The following SLMAP variants were observed in gnomAD, a reference collection of about 807,000 sequenced individuals.
The protein encoded by SLMAP is sarcolemmal membrane-associated protein.
A neutral mutation model predicts 128.8 loss-of-function variants in SLMAP; 44 were observed. The observed-to-expected ratio is 0.34, with a 90% CI of 0.27 to 0.44. The LOEUF (loss-of-function observed/expected upper bound fraction) is 0.44, where lower values mean the gene tolerates loss of function less well. Ranked by LOEUF, SLMAP falls within the 20% of genes least tolerant of loss-of-function variation. The pLI is 1.00. For synonymous variants in SLMAP, 327 were observed against 348.8 expected (o/e 0.94, Z 0.70); for missense variants, 787 against 985.3 (o/e 0.80, Z 2.69).
rs760556857 is a variant in SLMAP, at chr3:57,847,223, C to T, written c.446C>T (p.Pro149Leu). The change falls in exon 5 of 25, where the codon CCT (proline) becomes CTT (leucine). Residue 149 changes from proline (P) to leucine (L), a missense_variant. By Grantham distance (98) the Pro-to-Leu change is moderately conservative. Coordinates refer to ENST00000671191, the MANE Select transcript of SLMAP (RefSeq NM_001377540.1). ...SDVIHAPLPS[P>L]VDKVAANTPS... ...GTCATCCATGCACCATTACCAAGTC[C>T]TGTTGACAAAGTAAGTTGCTAATGA... 3 of 1,609,570 alleles carry T rather than the reference C, an allele frequency of 1.9e-6. No individual in the cohort carries two copies. The highest frequency in any genetic ancestry group is 2.5e-6 in the Non-Finnish European group (3 of 1,177,172).
intron 2 of SLMAP, among the ~76,000 whole-genome samples, chr3:57,767,431 A>G (rs1385037729): frequency 1.3e-5 from 2 of 152,200 alleles, no homozygotes; most frequent in Non-Finnish European, 2.9e-5. Context: ...TCAATTTGAG[A>G]TCATGGACTC....
At chr3:57,860,872 A>ATTTTTTTT in intron 9 of SLMAP, 33 bp downstream of exon 9, 1 of 1,513,772 alleles carries the variant, frequency 6.6e-7, no homozygotes, top group Non-Finnish European at 8.9e-7. Flanking sequence ...ACTAAATAGT[A>ATTTTTTTT]TTATGAGTGT....
chr3:57,792,138 G>A (rs1245813381), intron 2 of SLMAP, among the ~76,000 whole-genome samples: 2 of 152,026 alleles, frequency 1.3e-5, no homozygotes, highest in African/African-American at 2.4e-5. Context: ...TAATTGTGTT[G>A]AGTAAATATT....
intron 4 of SLMAP, among the ~76,000 whole-genome samples, chr3:57,846,723 A>AT (rs1266648428): frequency 1.3e-5 from 2 of 151,570 alleles, no homozygotes; most frequent in Admixed American, 6.6e-5. Context: ...CGCCCAGCTA[A>AT]TTTTTTTATA....
At chr3:57,870,029 G>A (rs531778213) in intron 13 of SLMAP, among the ~76,000 whole-genome samples, 1 of 152,068 alleles carries the variant, frequency 6.6e-6, no homozygotes, top group South Asian at 2.1e-4. Flanking sequence ...ATATTTTAAT[G>A]TAGAGTTCAG....
At chr3:57,854,355 T>C (rs2094667468) in intron 6 of SLMAP, among the ~76,000 whole-genome samples, 1 of 151,816 alleles carries the variant, frequency 6.6e-6, no homozygotes, top group Non-Finnish European at 1.5e-5. Flanking sequence ...CCCAACACTT[T>C]GGGAGGCCGA....
At chr3:57,906,068 AAAAG>A (rs1264800819) in intron 17 of SLMAP, among the ~76,000 whole-genome samples, 1 of 151,078 alleles carries the variant, frequency 6.6e-6, no homozygotes, top group Non-Finnish European at 1.5e-5. Context: ...AAAAAAAAAA[AAAAG>A]AGCATTATCC....
At chr3:57,842,446 C>T (rs2093983757) in intron 4 of SLMAP, among the ~76,000 whole-genome samples, 1 of 151,854 alleles carries the variant, frequency 6.6e-6, no homozygotes, top group Non-Finnish European at 1.5e-5. Flanking sequence ...TTAAAATAAA[C>T]TTTAGGAAGT....
rs138089300 is a variant in SLMAP at position 57,837,529 on chromosome 3, C to T, written c.347-3770C>T. Among the ~76,000 whole-genome samples the T allele has an allele frequency of 2.8e-3, 426 of 152,176 alleles. 2 individuals are homozygous for T. The highest frequency in any genetic ancestry group is 0.017 in the Middle Eastern group (5 of 294). On this transcript the variant is annotated intron_variant, in intron 3 of 24. Coordinates refer to ENST00000671191, the MANE Select transcript of SLMAP (RefSeq NM_001377540.1). ...GACTACAGGCACCCACCACCACGTC[C>T]GGCTAATTTTTTTGTATTTTTAGTA...
At chr3:57,868,795 A>AATATAT (rs3037511) in intron 13 of SLMAP, among the ~76,000 whole-genome samples, 152 of 124,672 alleles carry the variant, frequency 1.2e-3, no homozygotes, top group African/African-American at 2.3e-3. Context: ...GAACTAATGG[A>AATATAT]ATATATATAT....
intron 14 of SLMAP, among the ~76,000 whole-genome samples, chr3:57,874,948 T>TATAAA (rs2095568724): frequency 1.3e-5 from 2 of 152,234 alleles, no homozygotes; most frequent in Admixed American, 6.5e-5. Context: ...TAGCTATATT[T>TATAAA]GTAACACAGA....
At chr3:57,756,470 C>T (rs1267919327) in intron 1 of SLMAP, 78 bp from the exon 2 acceptor site, 1 of 152,662 alleles carries the variant, frequency 6.6e-6, no homozygotes, top group African/African-American at 2.4e-5. Context: ...TGGCGGGGGT[C>T]TGGCTGGAGG....
intron 2 of SLMAP, among the ~76,000 whole-genome samples, chr3:57,781,953 C>T (rs1254785450): frequency 6.6e-6 from 1 of 151,986 alleles, no homozygotes; most frequent in Non-Finnish European, 1.5e-5. Flanking sequence ...AGGCTGGTCT[C>T]GAATTCCTGA....
chr3:57,867,593 C>T (rs2095341507), intron 13 of SLMAP, among the ~76,000 whole-genome samples: 1 of 152,066 alleles, frequency 6.6e-6, no homozygotes, highest in Admixed American at 6.5e-5. Context: ...CAATAAATTT[C>T]TAGATGTACA....
intron 14 of SLMAP, among the ~76,000 whole-genome samples, chr3:57,877,933 C>G (rs1017683376): frequency 6.7e-6 from 1 of 148,414 alleles, no homozygotes; most frequent in African/African-American, 2.5e-5. Context: ...CTCCTGGGTT[C>G]GAGCAATTCT....
chr3:57,786,731 A>AT (rs35138483), intron 2 of SLMAP, among the ~76,000 whole-genome samples: 5,092 of 88,730 alleles, frequency 0.057, 180 homozygotes, highest in African/African-American at 0.066. Context: ...TAGTCTTTGT[A>AT]TTTTTTTTTT....
At chr3:57,812,428 T>C (rs1361166688) in intron 2 of SLMAP, among the ~76,000 whole-genome samples, 1 of 152,218 alleles carries the variant, frequency 6.6e-6, no homozygotes, top group Non-Finnish European at 1.5e-5. Flanking sequence ...CATATTCTTT[T>C]GAATATGAGA....
At chr3:57,903,388 A>G (rs903600341) in intron 17 of SLMAP, among the ~76,000 whole-genome samples, 1 of 152,218 alleles carries the variant, frequency 6.6e-6, no homozygotes, top group African/African-American at 2.4e-5. Context: ...TTGCCAGGTC[A>G]CTTCTATCAG....
In SLMAP at chr3:57,912,676, G is replaced by A. The variant is rs780081205; in HGVS notation, c.1995G>A (p.Gln665=). The change falls in exon 20 of 25, where the codon CAG becomes CAA. Residue 665 remains glutamine, a synonymous_variant. Transcript: ENST00000671191. The part of the protein sequence containing the change: ...QLRCQQCEDQ[Q]REEATRLQGE... ...GATGTCAACAGTGTGAGGACCAGCA[G>A]AGAGAAGAAGCAACAAGGTTGCAAG... 8.1e-6 allele frequency: 13 copies of A among 1,612,134 alleles called. No homozygotes were observed. In the East Asian group the frequency reaches 2.9e-4, roughly 36 times the overall value.
Sources: allele counts gnomAD v4.1 joint callset (sites outside exome capture counted in the v4.1 genomes callset), GRCh38; gene constraint gnomAD v4.1.1; transcripts MANE v1.5; gene names NCBI Gene and HGNC (gene_info 2026-07-23, HGNC 2026-07-21).